The following ADD3 variants were observed in gnomAD, a reference collection of about 807,000 sequenced individuals.
ADD3 encodes the protein gamma-adducin.
In ADD3, 25 loss-of-function variants were observed where a neutral mutation model predicts 80.2. The ratio of observed to expected loss-of-function variants is 0.31; its 90% confidence interval spans 0.23 to 0.44. ADD3 has a LOEUF of 0.44. ADD3 is among the 20% of genes least tolerant of loss of function. The pLI is 1.00. For missense variants in ADD3, 829 were observed against 847.5 expected (o/e 0.98, Z 0.27); for synonymous variants, 284 against 289.6 (o/e 0.98, Z 0.20).
chr10:110,088,499 C>G (rs1182835183), intron 1 of ADD3, among the ~76,000 whole-genome samples: 1 of 152,152 alleles, frequency 6.6e-6, no homozygotes, highest in Admixed American at 6.5e-5. Context: ...CAATATTAGG[C>G]GTTTCATAAA....
At chr10:110,016,735 TTTG>T (rs1195691510) in intron 1 of ADD3, 2 of 152,166 alleles carry the variant, frequency 1.3e-5, no homozygotes, top group Non-Finnish European at 2.9e-5. Flanking sequence ...CAAAGTAGAT[TTTG>T]TTGTTGTTTT....
chr10:110,016,568 T>G (rs1029460964), intron 1 of ADD3: 3 of 152,246 alleles, frequency 2.0e-5, no homozygotes, highest in Admixed American at 1.3e-4. Flanking sequence ...AATAATGATG[T>G]TAAAATCTGC....
chr10:110,106,230 G>C (rs532616481), intron 2 of ADD3, among the ~76,000 whole-genome samples: 1 of 150,330 alleles, frequency 6.7e-6, no homozygotes, highest in Non-Finnish European at 1.5e-5. Context: ...ATTCATCTCT[G>C]ATGTCTCCTA....
chr10:110,045,153 A>G (rs1465804831), intron 1 of ADD3, among the ~76,000 whole-genome samples: 1 of 152,192 alleles, frequency 6.6e-6, no homozygotes, highest in Admixed American at 6.5e-5. Flanking sequence ...CAGGAGTTCA[A>G]GACCAGCCTG....
chr10:110,003,485 A>T (rs1851529346), upstream of ADD3, among the ~76,000 whole-genome samples: 1 of 150,826 alleles, frequency 6.6e-6, no homozygotes, highest in Non-Finnish European at 1.5e-5. Flanking sequence ...TAGTGCTTTG[A>T]AAAGTTCAAA....
intron 1 of ADD3, among the ~76,000 whole-genome samples, chr10:110,066,700 G>C (rs532104618): frequency 2.6e-5 from 4 of 152,140 alleles, no homozygotes; most frequent in African/African-American, 9.6e-5. Context: ...GATAAGCATA[G>C]CCCACAATTT....
chr10:110,035,522 T>C (rs995118982), intron 1 of ADD3, among the ~76,000 whole-genome samples: 4 of 152,324 alleles, frequency 2.6e-5, no homozygotes, highest in Admixed American at 2.6e-4. Context: ...AAGCTAGACT[T>C]GCTGACTAAA....
chr10:110,081,666 C>T (rs1014883151), intron 1 of ADD3, among the ~76,000 whole-genome samples: 6 of 152,058 alleles, frequency 3.9e-5, no homozygotes, highest in African/African-American at 9.7e-5. Flanking sequence ...TCTACTAAAA[C>T]GTATCTGATG....
intron 8 of ADD3, among the ~76,000 whole-genome samples, chr10:110,120,948 T>C (rs1343321603): frequency 6.6e-6 from 1 of 151,950 alleles, no homozygotes; most frequent in African/African-American, 2.4e-5. Flanking sequence ...GCTAGCCATA[T>C]GTAGAAAGCT....
At chr10:110,093,635 A>C (rs1247903592) in intron 1 of ADD3, among the ~76,000 whole-genome samples, 1 of 152,200 alleles carries the variant, frequency 6.6e-6, no homozygotes, top group Non-Finnish European at 1.5e-5. Flanking sequence ...CGTACCTTGC[A>C]TGTAGTTCCT....
At chr10:110,054,889 C>G (rs574138908) in intron 1 of ADD3, among the ~76,000 whole-genome samples, 1 of 152,026 alleles carries the variant, frequency 6.6e-6, no homozygotes, top group African/African-American at 2.4e-5. Flanking sequence ...GCTGGGCTTA[C>G]AGGCATGAGC....
chr10:110,100,687 A>ACTC lies in ADD3; in HGVS notation c.45_47dup (p.Pro16dup). The stretch of plus-strand genomic sequence containing the variant: ...AGATGCCAGCCAAGGCGTGATTACC[A>ACTC]CTCCTCCTCCTCCCAGCATGCCTCA... On this transcript the variant is annotated inframe_insertion, in exon 2 of 15. Coordinates refer to ENST00000356080, the MANE Select transcript of ADD3 (RefSeq NM_016824.5). 6.2e-7 allele frequency: 1 copy of ACTC among 1,611,546 alleles called. No homozygotes were observed. Among genetic ancestry groups the ACTC allele is most frequent in the Non-Finnish European group, 8.5e-7 (1 of 1,179,028 alleles).
chr10:110,092,456 A>G (rs1358402758), intron 1 of ADD3, among the ~76,000 whole-genome samples: 2 of 152,218 alleles, frequency 1.3e-5, no homozygotes, highest in East Asian at 1.9e-4. Flanking sequence ...ACCCTAAGCA[A>G]ATTAACACAG....
chr10:110,049,487 A>G (rs1289825747), intron 1 of ADD3, among the ~76,000 whole-genome samples: 1 of 152,226 alleles, frequency 6.6e-6, no homozygotes, highest in East Asian at 1.9e-4. Flanking sequence ...GTATTCTGCA[A>G]AGCCACAGGG....
At chr10:110,086,753 C>T (rs1424588152) in intron 1 of ADD3, among the ~76,000 whole-genome samples, 1 of 152,184 alleles carries the variant, frequency 6.6e-6, no homozygotes, top group Non-Finnish European at 1.5e-5. Flanking sequence ...GCCTGTGGAA[C>T]TGTGGTAAAT....
intron 13 of ADD3, among the ~76,000 whole-genome samples, chr10:110,131,406 TAGGG>T (rs1398006756): frequency 6.6e-6 from 1 of 152,254 alleles, no homozygotes; most frequent in Admixed American, 6.5e-5. Flanking sequence ...GGTACACATT[TAGGG>T]AGGGAAGGGT....
At chr10:110,057,917 CTAGA>C (rs1160034179) in intron 1 of ADD3, among the ~76,000 whole-genome samples, 6 of 152,106 alleles carry the variant, frequency 3.9e-5, no homozygotes, top group African/African-American at 1.2e-4. Flanking sequence ...AAAGCTGATG[CTAGA>C]TAATCATTTT....
rs1443672023 is a variant in ADD3 at position 110,079,461 on chromosome 10, A to AGAGTGT, written c.-29-21163_-29-21162insAGTGTG. On this transcript the variant is annotated intron_variant, in intron 1 of 14. Coordinates refer to ENST00000356080, the MANE Select transcript of ADD3 (RefSeq NM_016824.5). ...GAGAGAGAGAGAGAGAGAGAGAGAG[A>AGAGTGT]GTGTGTGTGTGTGTGTGTGTGTGTG... Among the ~76,000 whole-genome samples, 222 of 97,444 alleles carry AGAGTGT rather than the reference A, an allele frequency of 2.3e-3. 2 individuals are homozygous for AGAGTGT. Among genetic ancestry groups the AGAGTGT allele is most frequent in the African/African-American group, 9.2e-3 (202 of 21,910 alleles). 63.9% of individuals were successfully genotyped at this position (97,444 alleles called of 152,430 possible). A position where few individuals can be genotyped will look rare whatever the true frequency, so the allele number is the denominator to read the frequency against.
chr10:110,032,630 A>T (rs1440247245), intron 1 of ADD3, among the ~76,000 whole-genome samples: 1 of 152,178 alleles, frequency 6.6e-6, no homozygotes, highest in Non-Finnish European at 1.5e-5. Context: ...AGAATTTCTG[A>T]CTAGGTGGTG....
Sources: allele counts gnomAD v4.1 joint callset (sites outside exome capture counted in the v4.1 genomes callset), GRCh38; gene constraint gnomAD v4.1.1; transcripts MANE v1.5; gene names NCBI Gene and HGNC (gene_info 2026-07-23, HGNC 2026-07-21).